Variants in TTC23 observed in about 807,000 individuals in gnomAD.
TTC23 encodes the protein tetratricopeptide repeat domain 23.
A neutral mutation model predicts 55.1 loss-of-function variants in TTC23; 58 were observed. That is an observed-to-expected ratio of 1.05 (90% CI 0.85 to 1.31). The LOEUF is 1.31. Ranked by LOEUF, TTC23 falls within the 50% of genes most tolerant of loss-of-function variation. The pLI is 0.00. For missense variants in TTC23, 516 were observed against 534.4 expected (o/e 0.97, Z 0.34); for synonymous variants, 203 against 199.9 (o/e 1.02, Z -0.13).
At chr15:99,187,483 C>G (rs569241063) in intron 9 of TTC23, among the ~76,000 whole-genome samples, 1 of 53,952 alleles carries the variant, frequency 1.9e-5, no homozygotes, top group African/African-American at 7.3e-5. Flanking sequence ...ACAAAAGAAA[C>G]CCAACATAGA....
At position 99,137,306 on chromosome 15, in the gene TTC23, C is replaced by T; in HGVS notation, c.*704G>A. 1 of 152,376 alleles carries T rather than the reference C, an allele frequency of 6.6e-6. No individual in the cohort carries two copies. Among genetic ancestry groups the T allele is most frequent in the East Asian group, 1.9e-4 (1 of 5,186 alleles). The allele number at this position is 152,376 out of a possible 1,614,324, so 9.4% of individuals were successfully genotyped here. On this transcript the variant is annotated 3_prime_UTR_variant, in exon 14 of 14. Coordinates refer to ENST00000394132, the MANE Select transcript of TTC23 (RefSeq NM_001288615.3). The stretch of plus-strand genomic sequence containing the variant: ...CCAGGTGGCATCCAGGTTTGTCCTG[C>T]CTGCAGTGGAGGCCACAGGAGGGAT...
chr15:99,199,195 C>T lies in TTC23; in HGVS notation c.759+724G>A, dbSNP rs746083534. 1.1e-4 allele frequency among the ~76,000 whole-genome samples: 17 copies of T among 152,216 alleles called. No homozygotes were observed. In the South Asian group the frequency reaches 1.7e-3, roughly 15 times the overall value. ...GAGGCTTCTAGAAGAAACTCTGCTT[C>T]AAGACTGCAACATAGAAATCCTGTC... On this transcript the variant is annotated intron_variant, in intron 9 of 13. Transcript: ENST00000394132.
chr15:99,222,088 A>G (rs966701962), intron 5 of TTC23, among the ~76,000 whole-genome samples: 6 of 152,238 alleles, frequency 3.9e-5, no homozygotes, highest in South Asian at 2.1e-4. Context: ...CATAAGAAGT[A>G]CAATTTATAG....
chr15:99,244,917 C>T (rs1333363998), intron 2 of TTC23, among the ~76,000 whole-genome samples: 1 of 152,092 alleles, frequency 6.6e-6, no homozygotes, highest in Non-Finnish European at 1.5e-5. Flanking sequence ...AAGTGTTGTA[C>T]TTAAAAATTT....
intron 12 of TTC23, chr15:99,139,888 G>A: frequency 1.8e-6 from 1 of 554,656 alleles, no homozygotes. Context: ...GACTACCCAG[G>A]GCTGGCTTTG....
At chr15:99,215,161 C>T (rs1368394399) in intron 8 of TTC23, among the ~76,000 whole-genome samples, 1 of 151,866 alleles carries the variant, frequency 6.6e-6, no homozygotes, top group Admixed American at 6.6e-5. Context: ...TGACCTCCTG[C>T]CCATCTTTCT....
At chr15:99,223,383 C>T (rs1214432856) in intron 5 of TTC23, among the ~76,000 whole-genome samples, 1 of 152,120 alleles carries the variant, frequency 6.6e-6, no homozygotes, top group South Asian at 2.1e-4. Flanking sequence ...CAGCTGGTAT[C>T]CTTATATATG....
intron 9 of TTC23, among the ~76,000 whole-genome samples, chr15:99,193,414 G>C (rs529365233): frequency 6.6e-6 from 1 of 152,124 alleles, no homozygotes; most frequent in African/African-American, 2.4e-5. Flanking sequence ...CTGTTCTTGT[G>C]ATAGTGAGTA....
Position 99,187,452 on chromosome 15 carries a change from C to CAAAAAAAAAAAAAAAAAAAAA in TTC23, c.760-12298_760-12297insTTTTTTTTTTTTTTTTTTTTT, listed in dbSNP as rs66568931. Among the ~76,000 whole-genome samples the CAAAAAAAAAAAAAAAAAAAAA allele has an allele frequency of 1.6e-3, 73 of 44,438 alleles. 2 individuals carry two copies. The highest frequency in any genetic ancestry group is 5.4e-3 in the East Asian group (8 of 1,490). 29.2% of individuals were successfully genotyped at this position (44,438 alleles called of 152,430 possible). ...GGAGATGTGATGCCAAAAGCACAAG[C>CAAAAAAAAAAAAAAAAAAAAA]AAAAAAAAAAAAAAAACAAAACAAA... On this transcript the variant is annotated intron_variant, in intron 9 of 13. Transcript: ENST00000394132.
At chr15:99,196,023 A>G (rs1419297311) in intron 9 of TTC23, among the ~76,000 whole-genome samples, 2 of 151,906 alleles carry the variant, frequency 1.3e-5, no homozygotes, top group East Asian at 3.9e-4. Flanking sequence ...ATGGTGGCAC[A>G]CGCCTGTAAT....
At chr15:99,149,707 AG>A (rs2069443169) in intron 12 of TTC23, among the ~76,000 whole-genome samples, 1 of 152,234 alleles carries the variant, frequency 6.6e-6, no homozygotes, top group Non-Finnish European at 1.5e-5. Flanking sequence ...TACTTCTGGG[AG>A]CCTCAGGCCC....
At chr15:99,219,173 T>C in intron 6 of TTC23, 125 bp from the exon 7 acceptor site, 1 of 1,076,544 alleles carries the variant, frequency 9.3e-7, no homozygotes, top group East Asian at 2.4e-5. Flanking sequence ...CATGGAGACG[T>C]ATCTGGGCAG....
chr15:99,241,881 T>C (rs2079832217), intron 2 of TTC23, among the ~76,000 whole-genome samples: 1 of 152,170 alleles, frequency 6.6e-6, no homozygotes, highest in South Asian at 2.1e-4. Context: ...ATGCCTGTAA[T>C]ATCAGCACTG....
intron 5 of TTC23, chr15:99,228,270 T>C: frequency 3.3e-6 from 1 of 300,186 alleles, no homozygotes. Flanking sequence ...AAGCTGCATC[T>C]GCTTTGTTTG....
At chr15:99,184,280 G>T (rs1270239612) in intron 9 of TTC23, among the ~76,000 whole-genome samples, 8 of 152,136 alleles carry the variant, frequency 5.3e-5, no homozygotes, top group Non-Finnish European at 1.0e-4. Flanking sequence ...GAGGGCCACG[G>T]TCCTCCAGAC....
In TTC23 at chr15:99,143,517, TGA is replaced by T. The variant is rs1441614575; in HGVS notation, c.1144-4120_1144-4119del. Among the ~76,000 whole-genome samples the T allele has an allele frequency of 5.9e-5, 9 of 152,376 alleles. No homozygotes were observed. In the East Asian group the frequency reaches 1.7e-3, roughly 29 times the overall value. On this transcript the variant is annotated intron_variant, in intron 12 of 13. Transcript: ENST00000394132. Reference sequence around the variant, plus strand: ...ATATTCTGTGCTCCCCAGATTCTTCTGAGAGGCAGATATGCTGCTCCTTGTAA... The same window carrying T: ...ATATTCTGTGCTCCCCAGATTCTTCTGAGGCAGATATGCTGCTCCTTGTAA...
rs1359195768 is a variant in TTC23 at position 99,249,503 on chromosome 15, TAC to T, written c.-765_-764del. The T allele has an allele frequency of 6.6e-6, 1 of 152,180 alleles. No individual in the cohort carries two copies. Among genetic ancestry groups the T allele is most frequent in the African/African-American group, 2.4e-5 (1 of 41,426 alleles). 9.4% of individuals were successfully genotyped at this position (152,180 alleles called of 1,614,324 possible). A position where few individuals can be genotyped will look rare whatever the true frequency, so the allele number is the denominator to read the frequency against. ...GCTTTATCAGTTTGGTGATTCTTTGTACAGATTGATAACCATGAAAAAGTCTA... is the reference window on the plus strand; with the variant it reads ...GCTTTATCAGTTTGGTGATTCTTTGTAGATTGATAACCATGAAAAAGTCTA... On this transcript the variant is annotated 5_prime_UTR_variant, in exon 1 of 14. It removes the in-frame stop codon of an upstream open reading frame in the 5' UTR. Transcript: ENST00000394132.
intron 13 of TTC23, among the ~76,000 whole-genome samples, chr15:99,138,855 C>A (rs1472280420): frequency 6.6e-6 from 1 of 152,222 alleles, no homozygotes; most frequent in African/African-American, 2.4e-5. Context: ...CTCTGCGGAC[C>A]AGGCTCTGTG....
At chr15:99,234,480 C>A (rs2079157204) in intron 4 of TTC23, among the ~76,000 whole-genome samples, 2 of 152,188 alleles carry the variant, frequency 1.3e-5, no homozygotes, top group Admixed American at 6.5e-5. Flanking sequence ...ACACCATTGT[C>A]CTGCCTCAGC....
Sources: gnomAD v4.1 joint callset for allele counts (sites outside exome capture counted in the v4.1 genomes callset) on GRCh38, gnomAD v4.1.1 for gene constraint, MANE v1.5 for transcripts, NCBI Gene and HGNC (gene_info 2026-07-23, HGNC 2026-07-21) for gene names.